ZNF653: variants seen among roughly 807,000 people sequenced by gnomAD.
ZNF653 encodes zinc finger protein 653.
A neutral mutation model predicts 59.9 loss-of-function variants in ZNF653; 37 were observed. The ratio of observed to expected loss-of-function variants is 0.62; its 90% CI spans 0.48 to 0.81. The LOEUF (loss-of-function observed/expected upper bound fraction) is 0.81, where lower values mean the gene tolerates loss of function less well. ZNF653 is among the 40% of genes least tolerant of loss of function. The pLI is 0.00. For missense variants in ZNF653, 808 were observed against 881.1 expected, an observed-to-expected ratio of 0.92 and a Z score of 1.05; for synonymous variants, 435 against 371.8, an observed-to-expected ratio of 1.17 and a Z score of -1.96.
intron 1 of ZNF653, among the ~76,000 whole-genome samples, chr19:11,500,253 T>C (rs1433851852): frequency 6.6e-6 from 1 of 152,190 alleles, no homozygotes; most frequent in Non-Finnish European, 1.5e-5. Context: ...CCTCTGGCTC[T>C]GCTACTCCAG....
chr19:11,489,025 G>C (rs1183926892), intron 3 of ZNF653, among the ~76,000 whole-genome samples: 2 of 151,574 alleles, frequency 1.3e-5, no homozygotes, highest in Non-Finnish European at 2.9e-5. Context: ...TCAGCCTCCT[G>C]AGTAGCTGGG....
chr19:11,505,678 G>A lies in ZNF653; in HGVS notation c.109C>T (p.Pro37Ser). The change falls in exon 1 of 9, where the codon CCG becomes TCG. Residue 37 changes from proline to serine, a missense_variant. Transcript: ENST00000293771. ...GAAGRKARGRPRLTESDRARR... is the reference protein window; with the variant it reads ...GAAGRKARGRSRLTESDRARR... ...GCCCGGTCCGACTCCGTGAGTCGCG[G>A]CCGGCCCCGCGCCTTTCGGCCCGCT... 1 of 1,491,542 alleles carries A rather than the reference G, an allele frequency of 6.7e-7. No homozygotes were observed. The highest frequency in any genetic ancestry group is 8.9e-7 in the Non-Finnish European group (1 of 1,128,660). The allele number at this position is 1,491,542 out of a possible 1,614,324, so 92.4% of individuals were successfully genotyped here.
rs751440572 is a variant in ZNF653, at chr19:11,496,007, G to A, written c.502C>T (p.Gln168Ter). ...GGCTTCAGGGGCGAATGCAGGTCCTGGAAGTAGCGGTGGCCAGCTTCGCAC... is the reference window on the plus strand; with the variant it reads ...GGCTTCAGGGGCGAATGCAGGTCCTAGAAGTAGCGGTGGCCAGCTTCGCAC... Reference protein sequence around the residue: ...WQCEAGHRYFQDLHSPLKPLS... With the variant: ...WQCEAGHRYF The change falls in exon 3 of 9, where the codon CAG (glutamine) becomes TAG (stop). Residue 168 changes from glutamine (Q) to a stop codon, truncating the protein, a stop_gained. Transcript: ENST00000293771. LOFTEE classifies it high-confidence loss of function. 2 of 1,614,184 alleles carry A rather than the reference G, an allele frequency of 1.2e-6. No individual in the cohort carries two copies. The highest frequency in any genetic ancestry group is 1.7e-5 in the Admixed American group (1 of 60,026).
intron 7 of ZNF653, among the ~76,000 whole-genome samples, chr19:11,484,664 G>A (rs1971446234): frequency 6.6e-6 from 1 of 151,960 alleles, no homozygotes; most frequent in Non-Finnish European, 1.5e-5. Context: ...GCCCACCTCA[G>A]CCTCCCAAAG....
In ZNF653 at chr19:11,487,249, G is replaced by A. The variant is rs777421151; in HGVS notation, c.1171+43C>T. ...CCATTCCTCGCCCGGCCCCTCCCAGGCCCAACCACCCCTGGCCAGAGGCCA... is the reference window on the plus strand; with the variant it reads ...CCATTCCTCGCCCGGCCCCTCCCAGACCCAACCACCCCTGGCCAGAGGCCA... On this transcript the variant is annotated intron_variant, in intron 4 of 8. Transcript: ENST00000293771. This position sits in a 1 kb window ranked among gnomAD's most constrained non-coding sequence, Gnocchi z 5.1. 1.9e-6 allele frequency: 3 copies of A among 1,600,156 alleles called. No individual in the cohort carries two copies. The highest frequency in any genetic ancestry group is 1.3e-5 in the African/African-American group (1 of 74,790).
Position 11,496,099 on chromosome 19 carries a change from C to G in ZNF653, c.410G>C (p.Cys137Ser). ...CTCCGCCAGGTGCGGCTCGTACGGG[C>G]AGCGGTGCTTGTGGTCCTCGTACCA... ...VIWYEDHKHR[C>S]PYEPHLAELD... The change falls in exon 3 of 9, where the codon TGC becomes TCC. Residue 137 changes from cysteine to serine, a missense_variant. Cys to Ser is a moderately radical substitution (Grantham distance 112, BLOSUM62 -1). Coordinates refer to ENST00000293771, the MANE Select transcript of ZNF653 (RefSeq NM_138783.4). 2 of 1,614,098 alleles carry G rather than the reference C, an allele frequency of 1.2e-6. No homozygotes were observed. Among genetic ancestry groups the G allele is most frequent in the Non-Finnish European group, 1.7e-6 (2 of 1,180,018 alleles).
chr19:11,496,203 G>A (rs1224669891), intron 2 of ZNF653, 38 bp from the exon 3 acceptor site: 2 of 1,599,102 alleles, frequency 1.3e-6, no homozygotes, highest in Non-Finnish European at 1.7e-6. Context: ...ATAAGGGACA[G>A]GGCTCAGCCC....
rs1398876306 is a variant in ZNF653 at position 11,484,135 on chromosome 19, C to G, written c.1577G>C (p.Arg526Pro). Reference protein sequence around the residue: ...RRHMIIHSGVREFTCETCGKS... With the variant: ...RRHMIIHSGVPEFTCETCGKS... ...GCCGCAGGTCTCGCAGGTGAATTCACGGACACCTGGGGGCGGTGGGGACCG... is the reference window on the plus strand; with the variant it reads ...GCCGCAGGTCTCGCAGGTGAATTCAGGGACACCTGGGGGCGGTGGGGACCG... The change falls in exon 8 of 9, where the codon CGT (arginine) becomes CCT (proline). Residue 526 changes from arginine to proline, a missense_variant. By Grantham distance (103) the Arg-to-Pro change is moderately radical. Transcript: ENST00000293771. 1 of 1,552,622 alleles carries G rather than the reference C, an allele frequency of 6.4e-7. No homozygotes were observed. Among genetic ancestry groups the G allele is most frequent in the Non-Finnish European group, 8.7e-7 (1 of 1,147,806 alleles).
At chr19:11,493,309 C>T (rs1278212713) in intron 3 of ZNF653, among the ~76,000 whole-genome samples, 6 of 149,810 alleles carry the variant, frequency 4.0e-5, no homozygotes, top group Admixed American at 6.6e-5. Flanking sequence ...CCACCTGCCT[C>T]GGCCTCCCAA....
intron 3 of ZNF653, among the ~76,000 whole-genome samples, chr19:11,492,025 C>T (rs1291553710): frequency 6.6e-6 from 1 of 152,018 alleles, no homozygotes; most frequent in African/African-American, 2.4e-5. Context: ...TCCCAAAGCA[C>T]ATACCACCTT....
chr19:11,501,735 C>T (rs1484264625), intron 1 of ZNF653, among the ~76,000 whole-genome samples: 2 of 152,178 alleles, frequency 1.3e-5, no homozygotes, highest in African/African-American at 4.8e-5. Context: ...ACCTCCCTTA[C>T]CAAGGAGAGC....
chr19:11,487,648 G>A lies in ZNF653; in HGVS notation c.815C>T (p.Ala272Val), dbSNP rs754309401. 4 of 1,613,872 alleles carry A rather than the reference G, an allele frequency of 2.5e-6. No homozygotes were observed. The highest frequency in any genetic ancestry group is 1.1e-5 in the South Asian group (1 of 91,088). The change falls in exon 4 of 9, where the codon GCC becomes GTC. Residue 272 changes from alanine to valine, a missense_variant. Coordinates refer to ENST00000293771, the MANE Select transcript of ZNF653 (RefSeq NM_138783.4). The surrounding 1 kb of genome is among the most constrained non-coding windows in gnomAD (Gnocchi z 5.1). The stretch of plus-strand genomic sequence containing the variant: ...CGGCACGCACACCACTGTCTCCAGG[G>A]CTTCAGGCCCATTGCCTGCTGGGTT... ...CSNPAGNGPE[A>V]LETVVCVPVP...
chr19:11,491,974 C>T (rs79173269), intron 3 of ZNF653, among the ~76,000 whole-genome samples: 6,797 of 152,158 alleles, frequency 0.045, 179 homozygotes, highest in Admixed American at 0.072. Flanking sequence ...ATTTCCTGAC[C>T]ATTCTGTCTC....
intron 3 of ZNF653, among the ~76,000 whole-genome samples, chr19:11,488,930 C>T (rs1346771816): frequency 1.3e-5 from 2 of 150,854 alleles, no homozygotes; most frequent in African/African-American, 2.4e-5. Context: ...GACAGAGTTT[C>T]GTTCTGTCAC....
Position 11,496,020 on chromosome 19 carries a change from G to T in ZNF653, c.489C>A (p.Gly163=). The T allele has an allele frequency of 1.2e-6, 2 of 1,614,174 alleles. No homozygotes were observed. Among genetic ancestry groups the T allele is most frequent in the Non-Finnish European group, 1.7e-6 (2 of 1,180,020 alleles). ...YTTAVWQCEA[G]HRYFQDLHSP... ...AATGCAGGTCCTGGAAGTAGCGGTGGCCAGCTTCGCACTGCCACACGGCCG... is the reference window on the plus strand; with the variant it reads ...AATGCAGGTCCTGGAAGTAGCGGTGTCCAGCTTCGCACTGCCACACGGCCG... Residue 163 remains glycine, a synonymous_variant, in exon 3 of 9, where the codon GGC becomes GGA. Coordinates refer to ENST00000293771, the MANE Select transcript of ZNF653 (RefSeq NM_138783.4).
rs372278451 is a variant in ZNF653, at chr19:11,487,449, G to A, written c.1014C>T (p.Asn338=). The change falls in exon 4 of 9, where the codon AAC becomes AAT. Residue 338 remains asparagine, a synonymous_variant. Transcript: ENST00000293771. This position sits in a 1 kb window ranked among gnomAD's most constrained non-coding sequence, Gnocchi z 5.1. ...CGGGGACACCGCTGCCTGCTGCCAT[G>A]TTGAGGTGAATGCCCTCGGCCGTGA... ...DALTAEGIHL[N]MAAGSGVPGS... 14 of 1,612,812 alleles carry A rather than the reference G, an allele frequency of 8.7e-6. No individual in the cohort carries two copies. The Admixed American group carries it at 2.3e-4, about 27-fold the overall frequency.
chr19:11,503,388 C>G (rs939176402), intron 1 of ZNF653, among the ~76,000 whole-genome samples: 1 of 152,208 alleles, frequency 6.6e-6, no homozygotes, highest in Non-Finnish European at 1.5e-5. Context: ...ATGCTATCTT[C>G]TGAATGTGAC....
chr19:11,505,697 G>A lies in ZNF653; in HGVS notation c.90C>T (p.Gly30=). 1 of 1,484,098 alleles carries A rather than the reference G, an allele frequency of 6.7e-7. No individual in the cohort carries two copies. Among genetic ancestry groups the A allele is most frequent in the Middle Eastern group, 2.3e-4 (1 of 4,404 alleles). The allele number at this position is 1,484,098 out of a possible 1,614,324, so 91.9% of individuals were successfully genotyped here. The change falls in exon 1 of 9, where the codon GGC becomes GGT. Residue 30 remains glycine (G), a synonymous_variant. Transcript: ENST00000293771. ...GEAAAEEGAA[G]RKARGRPRLT... is the part of the protein sequence containing the mutation. ...GTCGCGGCCGGCCCCGCGCCTTTCG[G>A]CCCGCTGCGCCCTCCTCGGCTGCTG...
chr19:11,487,697 C>T lies in ZNF653; in HGVS notation c.766G>A (p.Glu256Lys), dbSNP rs375905512. ...TTGGAGCACAGCGGGGTACCCTGCTCGGCCAGGCTTTCCACGTGGTGGACG... is the reference window on the plus strand; with the variant it reads ...TTGGAGCACAGCGGGGTACCCTGCTTGGCCAGGCTTTCCACGTGGTGGACG... ...FDVHHVESLA[E>K]QGTPLCSNPA... Residue 256 changes from glutamate to lysine, a missense_variant, in exon 4 of 9, where the codon GAG becomes AAG. Coordinates refer to ENST00000293771, the MANE Select transcript of ZNF653 (RefSeq NM_138783.4). This position sits in a 1 kb window ranked among gnomAD's most constrained non-coding sequence, Gnocchi z 5.1. The T allele has an allele frequency of 1.9e-6, 3 of 1,613,802 alleles. No individual in the cohort carries two copies. The highest frequency in any genetic ancestry group is 2.2e-5 in the South Asian group (2 of 91,076).
Sources: gnomAD v4.1 joint callset for allele counts (sites outside exome capture counted in the v4.1 genomes callset) on GRCh38, gnomAD v4.1.1 for gene constraint, Gnocchi (gnomAD v3.1) non-coding constraint, MANE v1.5 for transcripts, NCBI Gene and HGNC (gene_info 2026-07-23, HGNC 2026-07-21) for gene names.